The following TSPAN12 variants were observed in gnomAD, a reference collection of about 807,000 sequenced individuals.
The protein encoded by TSPAN12 is tetraspanin-12.
Under a neutral mutation model 39.2 loss-of-function variants are expected in TSPAN12, and 19 were observed. That is an observed-to-expected ratio of 0.49 (90% CI 0.34 to 0.71). The LOEUF (loss-of-function observed/expected upper bound fraction) is 0.71, where lower values mean the gene tolerates loss of function less well. Ranked by LOEUF, TSPAN12 falls within the 30% of genes least tolerant of loss-of-function variation. The pLI, the probability that TSPAN12 is intolerant of heterozygous loss-of-function variation, is 0.01. For synonymous variants in TSPAN12, 119 were observed against 124.8 expected (o/e 0.95, Z 0.31); for missense variants, 314 against 359.9 (o/e 0.87, Z 1.03).
intron 2 of TSPAN12, among the ~76,000 whole-genome samples, chr7:120,850,247 T>A (rs1262994153): frequency 6.6e-6 from 1 of 152,200 alleles, no homozygotes; most frequent in Non-Finnish European, 1.5e-5. Flanking sequence ...CACCATGTTT[T>A]CCTATAGATA....
chr7:120,795,927 T>TG (rs1041201744), intron 7 of TSPAN12, among the ~76,000 whole-genome samples: 54 of 152,312 alleles, frequency 3.5e-4, no homozygotes, highest in African/African-American at 1.2e-3. Context: ...GCATAGAAAA[T>TG]GCAGTAGAAA....
chr7:120,839,725 G>GTAAC (rs1389315693), intron 3 of TSPAN12, among the ~76,000 whole-genome samples: 1 of 152,166 alleles, frequency 6.6e-6, no homozygotes, highest in African/African-American at 2.4e-5. Flanking sequence ...TTAGGGAAAA[G>GTAAC]TAACTATGCT....
intron 4 of TSPAN12, among the ~76,000 whole-genome samples, chr7:120,835,455 A>G (rs1054524615): frequency 1.3e-5 from 2 of 152,236 alleles, no homozygotes; most frequent in African/African-American, 4.8e-5. Flanking sequence ...GCTATTATAG[A>G]GTAAAATGGC....
chr7:120,787,509 T>A lies in TSPAN12; in HGVS notation c.*1083A>T, dbSNP rs980489312. ...TTAATCAGTGAAATAAAACAAAGAA[T>A]CTCTAAATTGTCACATGTTTTAATG... On this transcript the variant is annotated 3_prime_UTR_variant, in exon 8 of 8. Coordinates refer to ENST00000222747, the MANE Select transcript of TSPAN12 (RefSeq NM_012338.4). The A allele has an allele frequency of 1.3e-5, 2 of 152,572 alleles. No homozygotes were observed. The highest frequency in any genetic ancestry group is 4.1e-4 in the South Asian group (2 of 4,824). 9.5% of individuals were successfully genotyped at this position (152,572 alleles called of 1,614,324 possible).
rs58205285 is a variant in TSPAN12, at chr7:120,829,388, AT to A, written c.285+9388del. ...GCACATAAAGCAAATACTAACCATG[AT>A]TTTTTTTTTTTTCTAAATATTCCAT... On this transcript the variant is annotated intron_variant, in intron 4 of 7. Coordinates refer to ENST00000222747, the MANE Select transcript of TSPAN12 (RefSeq NM_012338.4). 7.9e-3 allele frequency among the ~76,000 whole-genome samples: 1,157 copies of A among 146,852 alleles called. 14 individuals carry two copies. Among genetic ancestry groups the A allele is most frequent in the African/African-American group, 0.024 (983 of 40,412 alleles).
intron 4 of TSPAN12, among the ~76,000 whole-genome samples, chr7:120,820,789 C>T (rs1280217886): frequency 6.6e-6 from 1 of 152,084 alleles, no homozygotes; most frequent in African/African-American, 2.4e-5. Context: ...AGTAGTTTAC[C>T]AACTAAGACC....
At chr7:120,797,259 T>C (rs1793651375) in intron 7 of TSPAN12, among the ~76,000 whole-genome samples, 2 of 152,232 alleles carry the variant, frequency 1.3e-5, no homozygotes, top group Admixed American at 6.5e-5. Flanking sequence ...AACAGTGGTG[T>C]TAAGTGTAGG....
chr7:120,812,008 T>C (rs956978837), intron 5 of TSPAN12, among the ~76,000 whole-genome samples: 2 of 152,086 alleles, frequency 1.3e-5, no homozygotes, highest in African/African-American at 4.8e-5. Flanking sequence ...AAAGAACTTA[T>C]TAATGTAATC....
At chr7:120,855,801 T>TCAGC (rs1794858934) in intron 2 of TSPAN12, among the ~76,000 whole-genome samples, 1 of 152,164 alleles carries the variant, frequency 6.6e-6, no homozygotes, top group South Asian at 2.1e-4. Context: ...TGCCAGCCAG[T>TCAGC]CAGCACGCCA....
chr7:120,844,273 A>C (rs910649411), intron 2 of TSPAN12, among the ~76,000 whole-genome samples: 6 of 152,286 alleles, frequency 3.9e-5, no homozygotes, highest in African/African-American at 1.4e-4. Context: ...ACACTAATCC[A>C]AACCATATCA....
chr7:120,801,123 T>A (rs570866694), intron 7 of TSPAN12, among the ~76,000 whole-genome samples: 50 of 152,258 alleles, frequency 3.3e-4, no homozygotes, highest in African/African-American at 1.2e-3. Flanking sequence ...TAAATGATTT[T>A]TTTTTTCTTT....
intron 4 of TSPAN12, among the ~76,000 whole-genome samples, chr7:120,827,746 T>G (rs962526469): frequency 6.6e-6 from 1 of 152,212 alleles, no homozygotes; most frequent in African/African-American, 2.4e-5. Context: ...GTTTTTAACA[T>G]TCTTGAAAAG....
At chr7:120,796,159 CAG>C (rs1221844827) in intron 7 of TSPAN12, among the ~76,000 whole-genome samples, 1 of 152,184 alleles carries the variant, frequency 6.6e-6, no homozygotes, top group African/African-American at 2.4e-5. Flanking sequence ...CCTGAAGGAG[CAG>C]AGTTTATTCA....
At chr7:120,844,402 G>A (rs1461575243) in intron 2 of TSPAN12, among the ~76,000 whole-genome samples, 36 of 152,132 alleles carry the variant, frequency 2.4e-4, no homozygotes, top group Admixed American at 2.4e-3. Flanking sequence ...AAAGTCCACA[G>A]TCCAAAGTCC....
At chr7:120,819,302 G>A (rs965075614) in intron 4 of TSPAN12, among the ~76,000 whole-genome samples, 2 of 151,984 alleles carry the variant, frequency 1.3e-5, no homozygotes, top group South Asian at 2.1e-4. Context: ...CTTTTAAATC[G>A]TACTTGAATA....
chr7:120,793,996 C>T (rs1438321336), intron 7 of TSPAN12, among the ~76,000 whole-genome samples: 2 of 152,276 alleles, frequency 1.3e-5, no homozygotes, highest in South Asian at 2.1e-4. Context: ...CTCCTTTTCA[C>T]CTGAGCTGTC....
At chr7:120,798,414 C>T (rs780926375) in intron 7 of TSPAN12, among the ~76,000 whole-genome samples, 1 of 152,040 alleles carries the variant, frequency 6.6e-6, no homozygotes, top group Admixed American at 6.5e-5. Context: ...ATAAAAGAAC[C>T]CTGAGAATGG....
intron 5 of TSPAN12, among the ~76,000 whole-genome samples, chr7:120,812,766 AC>A (rs1451181459): frequency 6.6e-6 from 1 of 152,138 alleles, no homozygotes; most frequent in Non-Finnish European, 1.5e-5. Flanking sequence ...TTATCTCATA[AC>A]CTTTTGGGCA....
intron 7 of TSPAN12, among the ~76,000 whole-genome samples, chr7:120,803,272 C>T (rs1387309990): frequency 6.6e-6 from 1 of 152,128 alleles, no homozygotes. Context: ...AGTCTAGTTC[C>T]TGTTCTGAAT....
Sources: gnomAD v4.1 joint callset for allele counts (sites outside exome capture counted in the v4.1 genomes callset) on GRCh38, gnomAD v4.1.1 for gene constraint, MANE v1.5 for transcripts, NCBI Gene and HGNC (gene_info 2026-07-23, HGNC 2026-07-21) for gene names.